USH2A: variants seen among roughly 807,000 people sequenced by gnomAD.
USH2A encodes usherin, also known as Usher syndrome 2A (autosomal recessive, mild).
In USH2A, 443 loss-of-function variants were observed where a neutral mutation model predicts 538.9. The observed-to-expected ratio is 0.82, with a 90% CI of 0.76 to 0.89. The LOEUF is 0.89. Ranked by LOEUF, USH2A falls within the 40% of genes least tolerant of loss-of-function variation. USH2A has a pLI of 0.00. For synonymous variants in USH2A, 2,413 were observed against 2,273.5 expected (o/e 1.06, Z -1.75); for missense variants, 6,633 against 6,324.8 (o/e 1.05, Z -1.65).
intron 15 of USH2A, among the ~76,000 whole-genome samples, chr1:216,213,604 A>T (rs1013399266): frequency 2.6e-5 from 4 of 152,018 alleles, no homozygotes; most frequent in Non-Finnish European, 5.9e-5. Flanking sequence ...TATTTCATGG[A>T]TCTAAATGTA....
intron 40 of USH2A, among the ~76,000 whole-genome samples, chr1:215,892,056 G>A (rs1665223575): frequency 6.6e-6 from 1 of 152,122 alleles, no homozygotes; most frequent in Admixed American, 6.6e-5. Flanking sequence ...TTCAGCCCCA[G>A]CCTAAAATAG....
At chr1:215,807,331 A>AGT (rs1662532198) in intron 49 of USH2A, among the ~76,000 whole-genome samples, 1 of 152,152 alleles carries the variant, frequency 6.6e-6, no homozygotes, top group Non-Finnish European at 1.5e-5. Context: ...TAAGCCACGA[A>AGT]GTGTCTGGTC....
At chr1:216,070,414 T>C in intron 29 of USH2A, 122 bp from the exon 30 acceptor site, 1 of 928,342 alleles carries the variant, frequency 1.1e-6, no homozygotes, top group South Asian at 1.4e-5. Context: ...TACAATTTAT[T>C]AGAGTTGTAA....
Position 216,196,763 on chromosome 1 carries a change from T to C in USH2A, c.4082-41A>G, listed in dbSNP as rs762812665. The stretch of plus-strand genomic sequence containing the variant: ...ATAACAATAACATCAAAACAATGAA[T>C]GTCGTCCCTATATATTTTTAAATTT... On this transcript the variant is annotated intron_variant, in intron 18 of 71. Coordinates refer to ENST00000307340, the MANE Select transcript of USH2A (RefSeq NM_206933.4). 1.9e-5 allele frequency: 31 copies of C among 1,591,646 alleles called. No individual in the cohort carries two copies. The Admixed American group carries it at 5.3e-4, about 27-fold the overall frequency.
At chr1:215,758,527 T>G (rs911033814) in intron 58 of USH2A, 68 bp downstream of exon 58, 38 of 1,547,342 alleles carry the variant, frequency 2.5e-5, no homozygotes, top group Non-Finnish European at 3.1e-5. Flanking sequence ...AACAGTTCTA[T>G]TCTTATCTCT....
intron 21 of USH2A, among the ~76,000 whole-genome samples, chr1:216,139,255 G>T (rs930718603): frequency 2.6e-5 from 4 of 151,644 alleles, no homozygotes; most frequent in African/African-American, 9.7e-5. Context: ...CTCTCAACTT[G>T]CCTGAAATTG....
intron 21 of USH2A, among the ~76,000 whole-genome samples, chr1:216,138,829 A>C (rs1487831830): frequency 6.6e-6 from 1 of 152,222 alleles, no homozygotes; most frequent in Non-Finnish European, 1.5e-5. Flanking sequence ...TAAAACAGAC[A>C]GGAAGCCAAA....
intron 30 of USH2A, among the ~76,000 whole-genome samples, chr1:216,063,963 A>G (rs935619399): frequency 2.1e-4 from 32 of 152,330 alleles, no homozygotes; most frequent in African/African-American, 6.7e-4. Flanking sequence ...TCAAAACGAA[A>G]TAATGATTTA....
chr1:215,916,413 T>A (rs1162642005), intron 38 of USH2A, among the ~76,000 whole-genome samples: 1 of 152,092 alleles, frequency 6.6e-6, no homozygotes. Flanking sequence ...TTAAAGTACA[T>A]TAGCAAATAC....
intron 37 of USH2A, among the ~76,000 whole-genome samples, chr1:215,964,897 G>C (rs1210409541): frequency 1.3e-5 from 2 of 152,152 alleles, no homozygotes; most frequent in African/African-American, 4.8e-5. Flanking sequence ...AAAATGGCTT[G>C]TTTAAGATGG....
chr1:215,760,009 C>T (rs1020143039), intron 56 of USH2A, among the ~76,000 whole-genome samples, 166 bp from the exon 57 acceptor site: 1 of 152,012 alleles, frequency 6.6e-6, no homozygotes, highest in Admixed American at 6.6e-5. Context: ...ATTTTTATTA[C>T]TTTGATTATT....
intron 28 of USH2A, 64 bp from the exon 29 acceptor site, chr1:216,073,033 C>T (rs944887364): frequency 1.9e-5 from 30 of 1,612,054 alleles, no homozygotes; most frequent in Middle Eastern, 1.6e-4. Context: ...GAGGGGCTGG[C>T]AGGGAGGGAA....
chr1:215,665,620 C>G (rs1381425663), intron 64 of USH2A, among the ~76,000 whole-genome samples: 1 of 152,200 alleles, frequency 6.6e-6, no homozygotes, highest in Non-Finnish European at 1.5e-5. Flanking sequence ...AGTAGACTCA[C>G]ACCCAGGTCC....
chr1:215,653,979 C>G (rs1350292907), intron 64 of USH2A, among the ~76,000 whole-genome samples: 1 of 152,032 alleles, frequency 6.6e-6, no homozygotes, highest in Non-Finnish European at 1.5e-5. Context: ...ATCTTGTGAA[C>G]AAACAGTTGT....
intron 11 of USH2A, among the ~76,000 whole-genome samples, chr1:216,271,332 G>A (rs375092146): frequency 2.3e-4 from 35 of 152,076 alleles, no homozygotes; most frequent in East Asian, 9.6e-4. Context: ...CAAACATCCC[G>A]TCCTTACTTA....
intron 4 of USH2A, among the ~76,000 whole-genome samples, chr1:216,336,165 C>T (rs995034893): frequency 2.6e-5 from 4 of 151,266 alleles, no homozygotes; most frequent in African/African-American, 7.3e-5. Flanking sequence ...AGGACAAAAA[C>T]GTCATGATCA....
intron 38 of USH2A, among the ~76,000 whole-genome samples, chr1:215,914,592 A>C (rs1197179145): frequency 6.6e-6 from 1 of 152,152 alleles, no homozygotes; most frequent in Non-Finnish European, 1.5e-5. Context: ...TGTTAAGAGC[A>C]ACCCTTTCTC....
intron 3 of USH2A, among the ~76,000 whole-genome samples, chr1:216,399,002 C>T (rs138317876): frequency 6.6e-6 from 1 of 152,292 alleles, no homozygotes; most frequent in African/African-American, 2.4e-5. Flanking sequence ...GTCAGCCATG[C>T]TCCAACTCTT....
intron 32 of USH2A, among the ~76,000 whole-genome samples, chr1:216,030,492 T>C (rs867756599): frequency 7.1e-5 from 10 of 140,580 alleles, no homozygotes; most frequent in East Asian, 6.1e-4. Context: ...TATAGATATA[T>C]ATCACAGATA....
Sources: gnomAD v4.1 joint callset for allele counts (sites outside exome capture counted in the v4.1 genomes callset) on GRCh38, gnomAD v4.1.1 for gene constraint, MANE v1.5 for transcripts, NCBI Gene and HGNC (gene_info 2026-07-23, HGNC 2026-07-21) for gene names.